The following WDFY4 variants were observed in gnomAD, a reference collection of about 807,000 sequenced individuals.
WDFY4 encodes WDFY family member 4.
In WDFY4, 169 loss-of-function variants were observed where a neutral mutation model predicts 351.9. The observed-to-expected ratio is 0.48, with a 90% CI of 0.42 to 0.55. WDFY4 has a LOEUF of 0.55. Ranked by LOEUF, WDFY4 falls within the 20% of genes least tolerant of loss-of-function variation. The pLI is 0.00. For synonymous variants in WDFY4, 1,622 were observed against 1,574.6 expected, an observed-to-expected ratio of 1.03 and a Z score of -0.71; for missense variants, 3,803 against 3,935.6, an observed-to-expected ratio of 0.97 and a Z score of 0.90.
intron 11 of WDFY4, among the ~76,000 whole-genome samples, chr10:48,737,732 C>T (rs1354523349): frequency 6.6e-6 from 1 of 152,176 alleles, no homozygotes. Context: ...TTGAAAGACA[C>T]TTGAATCCCA....
intron 39 of WDFY4, among the ~76,000 whole-genome samples, chr10:48,858,763 A>G (rs2069233364): frequency 6.6e-6 from 1 of 152,208 alleles, no homozygotes; most frequent in Non-Finnish European, 1.5e-5. Context: ...TTTTAATAAG[A>G]ATTTTATTAA....
chr10:48,918,263 T>C (rs1250051182), intron 47 of WDFY4, among the ~76,000 whole-genome samples: 1 of 152,184 alleles, frequency 6.6e-6, no homozygotes, highest in Non-Finnish European at 1.5e-5. Context: ...GTGACCTACA[T>C]GCTCCAATTA....
intron 10 of WDFY4, 67 bp downstream of exon 10, chr10:48,734,102 TG>T: frequency 7.1e-7 from 1 of 1,401,730 alleles, no homozygotes; most frequent in Non-Finnish European, 9.9e-7. Flanking sequence ...TGGTTATTTA[TG>T]GCAGTGTTCA....
intron 10 of WDFY4, among the ~76,000 whole-genome samples, chr10:48,734,780 T>C (rs2064594645): frequency 1.6e-5 from 2 of 129,028 alleles, no homozygotes; most frequent in Non-Finnish European, 3.2e-5. Flanking sequence ...AGGAATCTAC[T>C]TTTTTTTTTT....
chr10:48,733,339 G>A (rs973183006), intron 9 of WDFY4, among the ~76,000 whole-genome samples: 2 of 151,762 alleles, frequency 1.3e-5, no homozygotes, highest in Admixed American at 6.6e-5. Context: ...AATAAGTATT[G>A]AGCTTCCAAT....
intron 1 of WDFY4, among the ~76,000 whole-genome samples, chr10:48,698,098 G>A (rs559839877): frequency 2.6e-5 from 4 of 152,124 alleles, no homozygotes; most frequent in East Asian, 1.9e-4. Flanking sequence ...CCTGCTTCTC[G>A]ACAGGCCATC....
At chr10:48,768,648 T>C (rs1003380344) in intron 13 of WDFY4, among the ~76,000 whole-genome samples, 1 of 150,312 alleles carries the variant, frequency 6.7e-6, no homozygotes, top group African/African-American at 2.5e-5. Flanking sequence ...AAGGCAGAGA[T>C]GGGCACTAGG....
chr10:48,970,068 T>C, intron 56 of WDFY4, 63 bp from the exon 57 acceptor site: 1 of 1,520,728 alleles, frequency 6.6e-7, no homozygotes, highest in East Asian at 2.5e-5. Flanking sequence ...CCCCCGTGAC[T>C]CTATCCTGGG....
At chr10:48,744,916 CTG>C (rs1251941268) in intron 12 of WDFY4, among the ~76,000 whole-genome samples, 1 of 152,204 alleles carries the variant, frequency 6.6e-6, no homozygotes, top group Non-Finnish European at 1.5e-5. Flanking sequence ...ACCTGTTTAC[CTG>C]TGTCTTCCTT....
chr10:48,706,802 T>C (rs2063643342), intron 1 of WDFY4, among the ~76,000 whole-genome samples: 1 of 152,212 alleles, frequency 6.6e-6, no homozygotes, highest in Non-Finnish European at 1.5e-5. Context: ...CATTACAGTA[T>C]TTTTTTATAG....
intron 19 of WDFY4, among the ~76,000 whole-genome samples, chr10:48,783,949 A>G (rs767799054): frequency 6.6e-6 from 1 of 152,268 alleles, no homozygotes; most frequent in African/African-American, 2.4e-5. Context: ...GACTTGGAAC[A>G]TTGTAATGTG....
At chr10:48,713,240 G>A (rs1268022882) in intron 2 of WDFY4, among the ~76,000 whole-genome samples, 2 of 152,136 alleles carry the variant, frequency 1.3e-5, no homozygotes, top group South Asian at 2.1e-4. Context: ...CTAAGTTGCT[G>A]TCACCTGGTA....
intron 52 of WDFY4, 136 bp downstream of exon 52, chr10:48,957,418 TG>T: frequency 8.9e-7 from 1 of 1,118,036 alleles, no homozygotes; most frequent in Non-Finnish European, 1.3e-6. Context: ...AGGTCTCCAC[TG>T]GGCAGCAGTG....
At chr10:48,931,577 G>A (rs1438036234) in intron 47 of WDFY4, among the ~76,000 whole-genome samples, 1 of 152,210 alleles carries the variant, frequency 6.6e-6, no homozygotes, top group East Asian at 1.9e-4. Flanking sequence ...CCATCCAGAG[G>A]TGAAGAACTG....
At chr10:48,787,122 GAA>G (rs778051612) in intron 20 of WDFY4, among the ~76,000 whole-genome samples, 2 of 152,222 alleles carry the variant, frequency 1.3e-5, no homozygotes, top group Non-Finnish European at 2.9e-5. Context: ...CATCAGCAAA[GAA>G]AGAGAGAAGA....
intron 47 of WDFY4, among the ~76,000 whole-genome samples, chr10:48,938,904 T>C (rs1487613551): frequency 6.6e-6 from 1 of 152,106 alleles, no homozygotes; most frequent in South Asian, 2.1e-4. Flanking sequence ...TGATGTGATG[T>C]CCCCTGTATG....
At chr10:48,852,418 CA>C (rs2068986341) in intron 39 of WDFY4, among the ~76,000 whole-genome samples, 2 of 152,306 alleles carry the variant, frequency 1.3e-5, no homozygotes, top group Admixed American at 1.3e-4. Flanking sequence ...CTTTGTCAGT[CA>C]TAAAGTGCCC....
At chr10:48,876,909 C>T in intron 42 of WDFY4, 124 bp from the exon 43 acceptor site, 3 of 957,400 alleles carry the variant, frequency 3.1e-6, no homozygotes, top group Non-Finnish European at 4.4e-6. Flanking sequence ...GTGAGAGATC[C>T]ACGCTCTTCA....
chr10:48,884,978 T>C (rs1369216311), intron 43 of WDFY4, among the ~76,000 whole-genome samples: 1 of 152,210 alleles, frequency 6.6e-6, no homozygotes, highest in African/African-American at 2.4e-5. Flanking sequence ...GAGTGGGGCA[T>C]ATGCTAAACA....
Sources: gnomAD v4.1 joint callset for allele counts (sites outside exome capture counted in the v4.1 genomes callset) on GRCh38, gnomAD v4.1.1 for gene constraint, MANE v1.5 for transcripts, NCBI Gene and HGNC (gene_info 2026-07-23, HGNC 2026-07-21) for gene names.